Variants in ANK2 observed in about 807,000 individuals in gnomAD.
ANK2 encodes ankyrin 2.
In ANK2, 83 loss-of-function variants were observed where a neutral mutation model predicts 360.5. The observed-to-expected ratio is 0.23, with a 90% CI of 0.19 to 0.28. ANK2 has a LOEUF of 0.28. Among genes scored for constraint, ANK2 ranks in the 10% least tolerant of loss-of-function variants. The pLI is 1.00. For synonymous variants in ANK2, 1,740 were observed against 1,759.5 expected (o/e 0.99, Z 0.28); for missense variants, 4,201 against 4,795.7 (o/e 0.88, Z 3.66).
intron 4 of ANK2, 104 bp from the exon 5 acceptor site, chr4:113,232,057 G>A (rs746250832): frequency 5.0e-6 from 4 of 796,202 alleles, no homozygotes; most frequent in Non-Finnish European, 6.5e-6. Flanking sequence ...AATTTATTCA[G>A]TATGAAAGTA....
chr4:112,712,608 C>T, the ANK2 span, among the ~76,000 whole-genome samples: 10 of 150,100 alleles, frequency 6.7e-5, no homozygotes, highest in South Asian at 2.1e-4. Flanking sequence ...GGGGTTTCAC[C>T]GTGTTAGCCA....
intron 1 of ANK2, among the ~76,000 whole-genome samples, chr4:112,889,560 TG>T (rs1244889194): frequency 1.3e-5 from 2 of 151,840 alleles, no homozygotes; most frequent in Non-Finnish European, 2.9e-5. Flanking sequence ...TTTTTTTCCT[TG>T]TTCTTTTTTT....
intron 22 of ANK2, among the ~76,000 whole-genome samples, chr4:113,301,329 T>A (rs1357230748): frequency 1.3e-5 from 2 of 151,956 alleles, no homozygotes; most frequent in Non-Finnish European, 2.9e-5. Context: ...TTATTTTAGT[T>A]GGCAAATAAA....
At chr4:113,326,684 AAC>A (rs1482961367) in intron 26 of ANK2, among the ~76,000 whole-genome samples, 47 of 152,224 alleles carry the variant, frequency 3.1e-4, no homozygotes, top group Middle Eastern at 3.4e-3. Context: ...ACTTGATAAA[AAC>A]ACGAAGGCTT....
chr4:113,149,771 G>T (rs2096967436), intron 1 of ANK2, among the ~76,000 whole-genome samples: 1 of 150,074 alleles, frequency 6.7e-6, no homozygotes, highest in Admixed American at 6.7e-5. Context: ...AGCTACTCAG[G>T]AGGCTGAGGT....
chr4:113,356,206 A>G lies in ANK2; in HGVS notation c.7588A>G (p.Ser2530Gly). ...TCTTGAGCAGACATCGCTCATGGAG[A>G]GCTCAGGGAAGAGCCCCCTTTCTCC... is the stretch of plus-strand genomic sequence containing the variant. The part of the protein sequence containing the change: ...DSLEQTSLME[S>G]SGKSPLSPDT... Residue 2530 changes from serine (S) to glycine (G), a missense_variant, in exon 38 of 46, where the codon AGC becomes GGC. Ser to Gly is a moderately conservative substitution (Grantham distance 56, BLOSUM62 0). Around this residue, in one of 4 missense-constraint regions of ANK2, gnomAD observed 2,642 missense variants for 2,714.5 expected, o/e 0.97. Coordinates refer to ENST00000357077, the MANE Select transcript of ANK2 (RefSeq NM_001148.6). The G allele has an allele frequency of 6.2e-7, 1 of 1,613,966 alleles. No individual in the cohort carries two copies. The highest frequency in any genetic ancestry group is 1.1e-5 in the South Asian group (1 of 91,058).
chr4:113,342,967 C>T, intron 33 of ANK2, 50 bp from the exon 34 acceptor site: 4 of 1,609,886 alleles, frequency 2.5e-6, no homozygotes, highest in Non-Finnish European at 2.5e-6. Flanking sequence ...GTGTAAACAA[C>T]AAGTATAATT....
intron 7 of ANK2, among the ~76,000 whole-genome samples, chr4:113,237,833 A>G (rs1383507721): frequency 6.6e-6 from 1 of 152,338 alleles, no homozygotes; most frequent in Non-Finnish European, 1.5e-5. Flanking sequence ...CAGTAAAACT[A>G]TTTAAATAAG....
At chr4:112,766,714 T>C in the ANK2 span, among the ~76,000 whole-genome samples, 1 of 152,214 alleles carries the variant, frequency 6.6e-6, no homozygotes, top group Non-Finnish European at 1.5e-5. Context: ...ACCCATACTT[T>C]AATCTTACCG....
chr4:113,289,541 G>C (rs1039936905), intron 20 of ANK2, among the ~76,000 whole-genome samples: 5 of 151,830 alleles, frequency 3.3e-5, no homozygotes, highest in Non-Finnish European at 5.9e-5. Context: ...TATTTGAATG[G>C]GCTCAAGTAA....
chr4:113,027,947 A>G (rs565138789), intron 2 of ANK2, among the ~76,000 whole-genome samples: 1 of 152,240 alleles, frequency 6.6e-6, no homozygotes, highest in South Asian at 2.1e-4. Context: ...ATAGCAAAAT[A>G]AGATGGTGTA....
Position 113,222,181 on chromosome 4 carries a change from A to C in ANK2, c.385-9980A>C, listed in dbSNP as rs150678713. The stretch of plus-strand genomic sequence containing the variant: ...AGACTTCTCTCTTCTTACTAACACC[A>C]CCCAAATTTCTTACCCACTGGAAAT... On this transcript the variant is annotated intron_variant, in intron 4 of 45. Coordinates refer to ENST00000357077, the MANE Select transcript of ANK2 (RefSeq NM_001148.6). Among the ~76,000 whole-genome samples, 664 of 152,248 alleles carry C rather than the reference A, an allele frequency of 4.4e-3. 5 individuals are homozygous for C. The highest frequency in any genetic ancestry group is 0.034 in the Middle Eastern group (10 of 294).
intron 1 of ANK2, among the ~76,000 whole-genome samples, chr4:112,850,483 TTTAACATTTCCTGTGCTAGTC>T (rs2064610485): frequency 7.0e-6 from 1 of 142,920 alleles, no homozygotes; most frequent in African/African-American, 2.7e-5. Context: ...TCCAGTTTTT[TTTAACATTTCCTGTGCTAGTC>T]TTTTTTTTTT....
At chr4:113,303,067 A>T (rs2075726810) in intron 23 of ANK2, among the ~76,000 whole-genome samples, 1 of 152,230 alleles carries the variant, frequency 6.6e-6, no homozygotes, top group African/African-American at 2.4e-5. Flanking sequence ...CCTAGCATTA[A>T]AATTAATGGC....
intron 4 of ANK2, among the ~76,000 whole-genome samples, chr4:113,201,176 A>T (rs1229896320): frequency 6.6e-6 from 1 of 152,050 alleles, no homozygotes; most frequent in Non-Finnish European, 1.5e-5. Flanking sequence ...TTACGTTTTT[A>T]GTTTTTTGAG....
intron 2 of ANK2, among the ~76,000 whole-genome samples, chr4:112,906,208 A>G (rs2085143206): frequency 1.3e-5 from 2 of 152,136 alleles, no homozygotes; most frequent in Non-Finnish European, 2.9e-5. Context: ...GGAGTGTCAA[A>G]TGTTGCTGAC....
chr4:112,890,412 AACGATCAGATATTTGGGC>A (rs1327760590), intron 1 of ANK2, among the ~76,000 whole-genome samples: 1 of 152,180 alleles, frequency 6.6e-6, no homozygotes, highest in Non-Finnish European at 1.5e-5. Context: ...GGCCACCTAC[AACGATCAGATATTTGGGC>A]TGTAGAATAT....
rs1054146622 is a variant in ANK2, at chr4:113,383,225, C to T, written c.*1754C>T. Reference sequence around the variant, plus strand: ...CAAAAACAAATGCGACAAACAATGGCACTTCATCATTTAAAGTAATGTTGC... The same window carrying T: ...CAAAAACAAATGCGACAAACAATGGTACTTCATCATTTAAAGTAATGTTGC... On this transcript the variant is annotated 3_prime_UTR_variant, in exon 46 of 46. Coordinates refer to ENST00000357077, the MANE Select transcript of ANK2 (RefSeq NM_001148.6). 2.0e-5 allele frequency: 3 copies of T among 152,586 alleles called. No homozygotes were observed. The highest frequency in any genetic ancestry group is 4.4e-5 in the Non-Finnish European group (3 of 68,038). The allele number at this position is 152,586 out of a possible 1,614,324, so 9.5% of individuals were successfully genotyped here. A position where few individuals can be genotyped will look rare whatever the true frequency, so the allele number is the denominator to read the frequency against.
chr4:113,214,645 AAG>A (rs1174777284), intron 4 of ANK2, among the ~76,000 whole-genome samples: 5 of 152,158 alleles, frequency 3.3e-5, no homozygotes, highest in African/African-American at 1.2e-4. Context: ...ATTTATTACT[AAG>A]AGTATTAAGC....
Sources: gnomAD v4.1 joint callset for allele counts (sites outside exome capture counted in the v4.1 genomes callset) on GRCh38, gnomAD v4.1.1 for gene constraint, gnomAD v4.1.1 regional missense constraint, MANE v1.5 for transcripts, NCBI Gene and HGNC (gene_info 2026-07-23, HGNC 2026-07-21) for gene names.